The following CST8 variants were observed in gnomAD, a reference collection of about 807,000 sequenced individuals.
CST8 encodes the protein cystatin 8, also known as cystatin-8.
CST8 carries 20 observed loss-of-function variants against 11.8 expected under a neutral mutation model. That is an observed-to-expected ratio of 1.70 (90% CI 1.20 to 2.47). The LOEUF is 2.47. Among genes scored for constraint, CST8 ranks in the 30% most tolerant of loss-of-function variants. The probability of loss-of-function intolerance (pLI) is 0.00; values close to 1 mark genes in which losing one functional copy is unlikely to be tolerated. For synonymous variants in CST8, 77 were observed against 63.1 expected (o/e 1.22, Z -1.05); for missense variants, 196 against 167.2 (o/e 1.17, Z -0.95).
chr20:23,501,869 C>G, the CST8 span, among the ~76,000 whole-genome samples: 3 of 152,202 alleles, frequency 2.0e-5, no homozygotes, highest in African/African-American at 4.8e-5. Context: ...TTTAATAACA[C>G]ACCTGCATCC....
At chr20:23,501,967 A>C in the CST8 span, among the ~76,000 whole-genome samples, 1 of 152,308 alleles carries the variant, frequency 6.6e-6, no homozygotes, top group South Asian at 2.1e-4. Flanking sequence ...GTATTCCTGG[A>C]GGCTTTGTCA....
chr20:23,504,194 A>AC, the CST8 span, among the ~76,000 whole-genome samples: 1 of 152,336 alleles, frequency 6.6e-6, no homozygotes, highest in Non-Finnish European at 1.5e-5. Flanking sequence ...TCCTGAAGCC[A>AC]CCGGCTATGT....
intron 1 of CST8, 35 bp from the exon 2 acceptor site, chr20:23,491,490 C>G: frequency 3.3e-6 from 2 of 610,132 alleles, no homozygotes; most frequent in Non-Finnish European, 5.8e-6. Flanking sequence ...GGACAAACCC[C>G]AAAGAGTGAC....
downstream of CST8, chr20:23,496,095 G>T: frequency 1.7e-6 from 1 of 578,904 alleles, no homozygotes; most frequent in South Asian, 2.3e-5. Flanking sequence ...CTCTTTGCTG[G>T]CACCGAACAC....
intron 2 of CST8, 145 bp downstream of exon 2, chr20:23,492,043 A>C (rs1987902638): frequency 6.2e-6 from 4 of 650,262 alleles, no homozygotes; most frequent in Non-Finnish European, 1.1e-5. Flanking sequence ...CTTCCACAGC[A>C]TCAATAAGGC....
At position 23,492,959 on chromosome 20, in the gene CST8, T is replaced by A. The variant is rs1298043868; in HGVS notation, c.233T>A (p.Val78Asp). 2.2e-5 allele frequency: 34 copies of A among 1,565,248 alleles called. No individual in the cohort carries two copies. Among genetic ancestry groups the A allele is most frequent in the Non-Finnish European group, 2.9e-5 (33 of 1,135,782 alleles). Residue 78 changes from valine (V) to aspartate (D), a missense_variant and splice_region_variant, in exon 3 of 4, where the codon GTC becomes GAC. Physicochemically the swap from Val to Asp is radical, Grantham distance 152 (BLOSUM62 -3). Transcript: ENST00000246012. Reference sequence around the variant, plus strand: ...AATTGCATAATTGCTAACCAACAGGTCACAAATCTTCTGGAATACCTTATT... The same window carrying A: ...AATTGCATAATTGCTAACCAACAGGACACAAATCTTCTGGAATACCTTATT... Reference protein sequence around the residue: ...VVKTLQAQLQVTNLLEYLIDV... With the variant: ...VVKTLQAQLQDTNLLEYLIDV...
At chr20:23,493,822 T>G (rs1375031616) in intron 3 of CST8, among the ~76,000 whole-genome samples, 2 of 152,250 alleles carry the variant, frequency 1.3e-5, no homozygotes, top group Non-Finnish European at 2.9e-5. Flanking sequence ...TTCTCCAATG[T>G]GAGCAGGCAT....
At chr20:23,493,176 GT>G in intron 3 of CST8, 105 bp downstream of exon 3, 1 of 761,828 alleles carries the variant, frequency 1.3e-6, no homozygotes, top group Non-Finnish European at 2.3e-6. Context: ...GGCTCCCAGT[GT>G]TTAGCCCCAG....
chr20:23,491,609 C>A lies in CST8; in HGVS notation c.-59C>A, dbSNP rs1987882090. 1 of 1,383,392 alleles carries A rather than the reference C, an allele frequency of 7.2e-7. No homozygotes were observed. Among genetic ancestry groups the A allele is most frequent in the Admixed American group, 1.7e-5 (1 of 58,124 alleles). The allele number at this position is 1,383,392 out of a possible 1,614,324, so 85.7% of individuals were successfully genotyped here. On this transcript the variant is annotated 5_prime_UTR_variant, in exon 2 of 4. Coordinates refer to ENST00000246012, the MANE Select transcript of CST8 (RefSeq NM_005492.4). Reference sequence around the variant, plus strand: ...AGCTGCGGCCACCCCATCCTGCCCACAGCTCCAGCCCTGAGACGACGAGGA... The same window carrying A: ...AGCTGCGGCCACCCCATCCTGCCCAAAGCTCCAGCCCTGAGACGACGAGGA...
At chr20:23,498,430 G>T (rs1988109048), downstream of CST8, among the ~76,000 whole-genome samples, 1 of 152,196 alleles carries the variant, frequency 6.6e-6, no homozygotes, top group Non-Finnish European at 1.5e-5. Context: ...AGGTGGTAGG[G>T]ATTTCAGTAT....
chr20:23,504,866 G>T, the CST8 span, among the ~76,000 whole-genome samples: 1 of 152,160 alleles, frequency 6.6e-6, no homozygotes, highest in Admixed American at 6.5e-5. Context: ...AGCTGGGGAG[G>T]TCAGGAGTTT....
chr20:23,505,268 C>T, the CST8 span, among the ~76,000 whole-genome samples: 1 of 151,684 alleles, frequency 6.6e-6, no homozygotes, highest in Non-Finnish European at 1.5e-5. Flanking sequence ...CCTCAGCCTC[C>T]CGAGTAGCTG....
downstream of CST8, among the ~76,000 whole-genome samples, chr20:23,498,451 A>G (rs2983296): frequency 0.44 from 66,696 of 152,094 alleles, 15,706 homozygotes; most frequent in Non-Finnish European, 0.53. Context: ...TTCTGCCCCC[A>G]ACAGGATGAG....
At chr20:23,495,193 T>C (rs1452280571) in intron 3 of CST8, among the ~76,000 whole-genome samples, 1 of 152,178 alleles carries the variant, frequency 6.6e-6, no homozygotes, top group East Asian at 1.9e-4. Context: ...TACCACATTG[T>C]TTTTTTAATC....
the CST8 span, among the ~76,000 whole-genome samples, chr20:23,502,205 A>C: frequency 7.9e-5 from 12 of 152,220 alleles, no homozygotes; most frequent in Admixed American, 7.9e-4. Flanking sequence ...GCACTTACTG[A>C]AATGTCCAGG....
At chr20:23,503,280 A>G in the CST8 span, among the ~76,000 whole-genome samples, 2 of 152,258 alleles carry the variant, frequency 1.3e-5, no homozygotes, top group African/African-American at 4.8e-5. Context: ...ATAAACTAAT[A>G]GACTAGAGAG....
At chr20:23,502,710 T>C in the CST8 span, among the ~76,000 whole-genome samples, 12 of 152,254 alleles carry the variant, frequency 7.9e-5, no homozygotes, top group Non-Finnish European at 1.3e-4. Flanking sequence ...CCACACTTCA[T>C]ATATAAACTG....
chr20:23,506,626 A>G, the CST8 span, among the ~76,000 whole-genome samples: 1 of 152,156 alleles, frequency 6.6e-6, no homozygotes, highest in Non-Finnish European at 1.5e-5. Flanking sequence ...AAGACAACAC[A>G]TAATAGTGTA....
intron 2 of CST8, 58 bp from the exon 3 acceptor site, chr20:23,492,900 C>A: frequency 4.9e-6 from 5 of 1,025,140 alleles, no homozygotes; most frequent in South Asian, 2.7e-5. Context: ...TTTTTTTTGT[C>A]AAAACTTTAA....
Sources: gnomAD v4.1 joint callset for allele counts (sites outside exome capture counted in the v4.1 genomes callset) on GRCh38, gnomAD v4.1.1 for gene constraint, MANE v1.5 for transcripts, NCBI Gene and HGNC (gene_info 2026-07-23, HGNC 2026-07-21) for gene names.